UNC13A: variants seen among roughly 807,000 people sequenced by gnomAD.
UNC13A encodes the protein unc-13 homolog A.
UNC13A carries 61 observed loss-of-function variants against 219.7 expected under a neutral mutation model. That is an observed-to-expected ratio of 0.28 (90% CI 0.23 to 0.34). The LOEUF (loss-of-function observed/expected upper bound fraction) is 0.34. Ranked by LOEUF, UNC13A falls within the 10% of genes least tolerant of loss-of-function variation. UNC13A has a pLI of 1.00. For synonymous variants in UNC13A, 920 were observed against 884.6 expected (o/e 1.04, Z -0.71); for missense variants, 1,476 against 2,270.3 (o/e 0.65, Z 7.11).
chr19:17,639,075 A>G lies in UNC13A; in HGVS notation c.3081+8T>C. The G allele has an allele frequency of 6.3e-7, 1 of 1,578,630 alleles. No individual in the cohort carries two copies. Among genetic ancestry groups the G allele is most frequent in the Non-Finnish European group, 8.6e-7 (1 of 1,161,698 alleles). ...CACTGTTCCCTTCTGACCCATCTGGAGTCTCACCGGGTCTGTCTGGTACTC... is the reference window on the plus strand; with the variant it reads ...CACTGTTCCCTTCTGACCCATCTGGGGTCTCACCGGGTCTGTCTGGTACTC... On this transcript the variant is annotated splice_region_variant and intron_variant, in intron 25 of 43. Transcript: ENST00000519716.
chr19:17,659,165 G>A (rs546707465), intron 8 of UNC13A, among the ~76,000 whole-genome samples: 4 of 152,184 alleles, frequency 2.6e-5, no homozygotes, highest in South Asian at 2.1e-4. Flanking sequence ...AGCAAAGGCC[G>A]GGCACAGTGG....
intron 41 of UNC13A, among the ~76,000 whole-genome samples, chr19:17,613,133 G>A (rs1340545275): frequency 1.3e-5 from 2 of 151,996 alleles, no homozygotes; most frequent in African/African-American, 2.4e-5. Context: ...TTGGGAAGCT[G>A]AGACAGGAGA....
intron 40 of UNC13A, 124 bp downstream of exon 40, chr19:17,618,297 G>A (rs1267429320): frequency 2.8e-6 from 3 of 1,059,250 alleles, no homozygotes; most frequent in Non-Finnish European, 4.2e-6. Context: ...ACAGACAGGG[G>A]AACGAGGGAG....
At position 17,675,992 on chromosome 19, in the gene UNC13A, C is replaced by G. The variant is rs2079891302; in HGVS notation, c.52+20G>C. On this transcript the variant is annotated intron_variant, in intron 2 of 43. Coordinates refer to ENST00000519716, the MANE Select transcript of UNC13A (RefSeq NM_001080421.3). ...GACAGACAGACAACACGGGACAGGA[C>G]AGCAAGAGAAGCCACTTACCTTGGG... 6.4e-7 allele frequency: 1 copy of G among 1,551,096 alleles called. No individual in the cohort carries two copies. Among genetic ancestry groups the G allele is most frequent in the Non-Finnish European group, 8.7e-7 (1 of 1,146,916 alleles).
At chr19:17,607,865 C>A (rs139659665) in intron 43 of UNC13A, among the ~76,000 whole-genome samples, 2,721 of 150,136 alleles carry the variant, frequency 0.018, 33 homozygotes, top group Middle Eastern at 0.059. Flanking sequence ...CCATCTACCC[C>A]CGTGAACAGA....
chr19:17,620,185 G>A (rs1410894126), intron 38 of UNC13A, among the ~76,000 whole-genome samples: 2 of 152,124 alleles, frequency 1.3e-5, no homozygotes, highest in Non-Finnish European at 2.9e-5. Flanking sequence ...ACAGGGTGGG[G>A]CTGAGTATTG....
At chr19:17,656,794 G>A (rs2079463608) in intron 9 of UNC13A, among the ~76,000 whole-genome samples, 1 of 147,524 alleles carries the variant, frequency 6.8e-6, no homozygotes, top group South Asian at 2.1e-4. Context: ...GGAGGTTGCA[G>A]TGAGCTGGGA....
chr19:17,664,541 T>A (rs924105509), intron 7 of UNC13A, among the ~76,000 whole-genome samples: 3 of 152,116 alleles, frequency 2.0e-5, no homozygotes, highest in African/African-American at 7.2e-5. Context: ...AAATACTGAG[T>A]GGTGGTCTCC....
At chr19:17,606,676 A>C (rs1430435076) in intron 43 of UNC13A, among the ~76,000 whole-genome samples, 1 of 151,524 alleles carries the variant, frequency 6.6e-6, no homozygotes, top group Non-Finnish European at 1.5e-5. Flanking sequence ...TCCCACCCTG[A>C]GATACCCGCG....
intron 11 of UNC13A, among the ~76,000 whole-genome samples, chr19:17,653,167 G>T (rs2079382019): frequency 6.6e-6 from 1 of 151,972 alleles, no homozygotes. Flanking sequence ...GCACTCTTCT[G>T]TTCTGAAATA....
chr19:17,681,746 G>A (rs541599547), intron 1 of UNC13A, among the ~76,000 whole-genome samples: 3 of 152,244 alleles, frequency 2.0e-5, no homozygotes, highest in Admixed American at 2.0e-4. Flanking sequence ...CCCCAGAGGC[G>A]CGGGCAGGCG....
intron 16 of UNC13A, 125 bp downstream of exon 16, chr19:17,648,306 G>T: frequency 2.6e-6 from 1 of 386,330 alleles, no homozygotes; most frequent in South Asian, 8.4e-5. Flanking sequence ...GCCTCACGAC[G>T]CCCCGCCCCT....
rs182768124 is a variant in UNC13A at position 17,615,843 on chromosome 19, G to A, written c.4558+1859C>T. On this transcript the variant is annotated intron_variant, in intron 41 of 43. Transcript: ENST00000519716. Reference sequence around the variant, plus strand: ...ATTAAAAATTAGCTAGCCATGTGACGTGTGCCTGTAGTCCCAGCTCCTCGG... The same window carrying A: ...ATTAAAAATTAGCTAGCCATGTGACATGTGCCTGTAGTCCCAGCTCCTCGG... Among the ~76,000 whole-genome samples the A allele has an allele frequency of 1.4e-3, 211 of 152,206 alleles. 1 individual carries two copies. The highest frequency in any genetic ancestry group is 4.9e-3 in the African/African-American group (202 of 41,510).
chr19:17,642,729 C>CG, intron 20 of UNC13A, 116 bp downstream of exon 20: 1 of 815,450 alleles, frequency 1.2e-6, no homozygotes, highest in Non-Finnish European at 1.9e-6. Flanking sequence ...AATGGCATGG[C>CG]GGGCAGTCTC....
chr19:17,654,264 T>C (rs1328691439), intron 11 of UNC13A, among the ~76,000 whole-genome samples: 6 of 152,202 alleles, frequency 3.9e-5, no homozygotes, highest in African/African-American at 1.4e-4. Flanking sequence ...TAGTTTGTTT[T>C]TCTTGTATAT....
At position 17,647,738 on chromosome 19, in the gene UNC13A, T is replaced by TCCCCACTGGTTTTTGGAGC. The variant is rs2079263657; in HGVS notation, c.1817-265_1817-247dup. ...CTTCTCTGCCCCGCACCCCTTGGAG[T>TCCCCACTGGTTTTTGGAGC]CCCCACTGGTTTTTGGAGCCCCACC... On this transcript the variant is annotated intron_variant, in intron 16 of 43. Transcript: ENST00000519716. Among the ~76,000 whole-genome samples, 3 of 148,424 alleles carry TCCCCACTGGTTTTTGGAGC rather than the reference T, an allele frequency of 2.0e-5. No homozygotes were observed. The Admixed American group carries it at 2.0e-4, about 10-fold the overall frequency.
Position 17,620,589 on chromosome 19 carries a change from G to C in UNC13A, c.4272+104C>G. ...GAAGAGACCAACAGACAGGTTCACA[G>C]TACGCCCTCGGACGGCACGAACCAC... On this transcript the variant is annotated intron_variant, in intron 38 of 43. Transcript: ENST00000519716. 5.1e-6 allele frequency: 5 copies of C among 986,206 alleles called. No individual in the cohort carries two copies. The South Asian group carries it at 6.7e-5, about 13-fold the overall frequency. 61.1% of individuals were successfully genotyped at this position (986,206 alleles called of 1,614,324 possible). A position where few individuals can be genotyped will look rare whatever the true frequency, so the allele number is the denominator to read the frequency against.
intron 20 of UNC13A, among the ~76,000 whole-genome samples, chr19:17,641,965 C>G (rs940281945): frequency 1.3e-5 from 2 of 152,026 alleles, no homozygotes; most frequent in African/African-American, 4.8e-5. Context: ...TCAATACTTG[C>G]AATAGTTCAA....
rs1426874412 is a variant in UNC13A at position 17,645,587 on chromosome 19, C to A, written c.2356+87G>T. On this transcript the variant is annotated intron_variant, in intron 19 of 43. Coordinates refer to ENST00000519716, the MANE Select transcript of UNC13A (RefSeq NM_001080421.3). ...TCCTCGACCAAACTCCTCCTGAGAA[C>A]ACATCTCTCTGCTCTTCGTGGGCTC... 5.8e-6 allele frequency: 9 copies of A among 1,563,352 alleles called. No individual in the cohort carries two copies. The East Asian group carries it at 2.0e-4, about 35-fold the overall frequency.
Sources: gnomAD v4.1 joint callset for allele counts (sites outside exome capture counted in the v4.1 genomes callset) on GRCh38, gnomAD v4.1.1 for gene constraint, MANE v1.5 for transcripts, NCBI Gene and HGNC (gene_info 2026-07-23, HGNC 2026-07-21) for gene names.